ERC1: variants seen among roughly 807,000 people sequenced by gnomAD.
The protein encoded by ERC1 is ELKS/RAB6-interacting/CAST family member 1.
A neutral mutation model predicts 132.0 loss-of-function variants in ERC1; 56 were observed. The ratio of observed to expected loss-of-function variants is 0.42; its 90% CI spans 0.34 to 0.53. ERC1 has a LOEUF of 0.53. Among genes scored for constraint, ERC1 ranks in the 20% least tolerant of loss-of-function variants. The pLI is 0.03. For synonymous variants in ERC1, 478 were observed against 476.1 expected (o/e 1.00, Z -0.05); for missense variants, 1,202 against 1,349.9 (o/e 0.89, Z 1.72).
chr12:1,455,400 T>C (rs1244983692), intron 18 of ERC1, among the ~76,000 whole-genome samples: 2 of 152,204 alleles, frequency 1.3e-5, no homozygotes. Flanking sequence ...AGTTCAGTTT[T>C]AGATTTCAGC....
intron 2 of ERC1, among the ~76,000 whole-genome samples, chr12:1,065,403 ATTTGTTTG>A (rs35405606): frequency 2.0e-5 from 3 of 149,046 alleles, no homozygotes; most frequent in African/African-American, 4.9e-5. Context: ...TAATTTCACA[ATTTGTTTG>A]TTTGTTTGAT....
chr12:1,463,189 T>C (rs1233271644), intron 18 of ERC1, among the ~76,000 whole-genome samples: 1 of 152,208 alleles, frequency 6.6e-6, no homozygotes, highest in Non-Finnish European at 1.5e-5. Flanking sequence ...CCCCTCTTTT[T>C]CCAAGGTGGT....
intron 7 of ERC1, among the ~76,000 whole-genome samples, chr12:1,117,155 A>C (rs940225133): frequency 6.6e-6 from 1 of 152,208 alleles, no homozygotes; most frequent in African/African-American, 2.4e-5. Context: ...TATAGAAGAA[A>C]CATAAAGCAT....
rs1305262630 is a variant in ERC1 at position 1,196,974 on chromosome 12, ATATT to A, written c.2351+6924_2351+6927del. The stretch of plus-strand genomic sequence containing the variant: ...CACACACACACACATATATATATAT[ATATT>A]TTTTTTTTTTTTTTTTTTTTAAGAC... On this transcript the variant is annotated intron_variant, in intron 12 of 18. Coordinates refer to ENST00000360905, the MANE Select transcript of ERC1 (RefSeq NM_178040.4). Among the ~76,000 whole-genome samples the A allele has an allele frequency of 1.3e-3, 68 of 52,144 alleles. 5 individuals carry two copies. The highest frequency in any genetic ancestry group is 5.9e-3 in the African/African-American group (37 of 6,230). The allele number at this position is 52,144 out of a possible 152,430, so 34.2% of individuals were successfully genotyped here.
intron 2 of ERC1, among the ~76,000 whole-genome samples, chr12:1,065,136 G>A (rs1458487468): frequency 2.6e-5 from 4 of 152,114 alleles, no homozygotes; most frequent in Admixed American, 6.5e-5. Flanking sequence ...GAGTAGCTGG[G>A]ATTACAGGTG....
chr12:1,149,402 G>A (rs577401763), intron 8 of ERC1, among the ~76,000 whole-genome samples: 11 of 152,126 alleles, frequency 7.2e-5, no homozygotes. Flanking sequence ...CATATATATT[G>A]GTTGATTTGT....
At chr12:1,303,069 TCTC>T (rs2080534715) in intron 15 of ERC1, among the ~76,000 whole-genome samples, 1 of 152,158 alleles carries the variant, frequency 6.6e-6, no homozygotes, top group Non-Finnish European at 1.5e-5. Flanking sequence ...TAAAAAAAAT[TCTC>T]CTGATCATCT....
chr12:1,121,022 T>C (rs1244509077), intron 7 of ERC1, among the ~76,000 whole-genome samples: 1 of 152,170 alleles, frequency 6.6e-6, no homozygotes, highest in East Asian at 1.9e-4. Context: ...ATCCAGTCTT[T>C]CCGTAATTTA....
chr12:1,424,372 G>A (rs962105412), intron 17 of ERC1, among the ~76,000 whole-genome samples: 10 of 152,336 alleles, frequency 6.6e-5, no homozygotes, highest in South Asian at 4.1e-4. Context: ...TTTGGCTACA[G>A]TTTTACTGCT....
intron 12 of ERC1, among the ~76,000 whole-genome samples, chr12:1,201,163 T>C (rs1471011035): frequency 6.6e-6 from 1 of 152,034 alleles, no homozygotes; most frequent in African/African-American, 2.4e-5. Flanking sequence ...CCCTTTCTCC[T>C]TTTTGTCACA....
At chr12:1,441,517 C>T (rs777616481) in intron 17 of ERC1, among the ~76,000 whole-genome samples, 6 of 152,158 alleles carry the variant, frequency 3.9e-5, no homozygotes, top group South Asian at 2.1e-4. Flanking sequence ...CCCCTTTCTT[C>T]GTGGTCATAC....
intron 18 of ERC1, among the ~76,000 whole-genome samples, chr12:1,468,947 G>A (rs987163257): frequency 5.9e-5 from 9 of 152,118 alleles, no homozygotes; most frequent in African/African-American, 2.2e-4. Flanking sequence ...CCTGTCAGAG[G>A]CATCTCTGTC....
At chr12:1,137,151 T>G (rs1344307576) in intron 7 of ERC1, among the ~76,000 whole-genome samples, 1 of 146,716 alleles carries the variant, frequency 6.8e-6, no homozygotes, top group Non-Finnish European at 1.5e-5. Flanking sequence ...CAGGCTGGAG[T>G]GCAGTGGCAC....
At chr12:1,032,849 A>T (rs1041273334) in intron 2 of ERC1, among the ~76,000 whole-genome samples, 1 of 151,984 alleles carries the variant, frequency 6.6e-6, no homozygotes, top group African/African-American at 2.4e-5. Flanking sequence ...ATATAAAATG[A>T]TAGTACATTC....
chr12:1,447,735 C>T (rs1246416634), intron 18 of ERC1, among the ~76,000 whole-genome samples: 3 of 151,912 alleles, frequency 2.0e-5, no homozygotes, highest in Non-Finnish European at 4.4e-5. Flanking sequence ...CTGCAAGCTC[C>T]ACCTCTCAGG....
chr12:1,347,940 G>A (rs569263885), intron 15 of ERC1, among the ~76,000 whole-genome samples: 3 of 152,222 alleles, frequency 2.0e-5, no homozygotes, highest in Non-Finnish European at 2.9e-5. Context: ...CAGAGATGGC[G>A]CCACTGCACT....
chr12:1,255,129 T>C (rs1161544839), intron 13 of ERC1, among the ~76,000 whole-genome samples: 2 of 151,652 alleles, frequency 1.3e-5, no homozygotes, highest in Non-Finnish European at 2.9e-5. Context: ...CAGTGTGTGA[T>C]GTTCTCCTCC....
intron 1 of ERC1, among the ~76,000 whole-genome samples, chr12:1,004,532 A>G (rs1408047746): frequency 2.0e-5 from 3 of 147,160 alleles, no homozygotes; most frequent in African/African-American, 5.1e-5. Context: ...TCAGCCTCCC[A>G]AGTAGCTGGG....
intron 13 of ERC1, among the ~76,000 whole-genome samples, chr12:1,250,703 A>G (rs1201828923): frequency 6.6e-6 from 1 of 152,194 alleles, no homozygotes; most frequent in Non-Finnish European, 1.5e-5. Flanking sequence ...TGAGAATATT[A>G]ATTCTTTGAG....
Sources: allele counts gnomAD v4.1 joint callset (sites outside exome capture counted in the v4.1 genomes callset), GRCh38; gene constraint gnomAD v4.1.1; transcripts MANE v1.5; gene names NCBI Gene and HGNC (gene_info 2026-07-23, HGNC 2026-07-21).